The following FSIP2 variants were observed in gnomAD, a reference collection of about 807,000 sequenced individuals.
The protein encoded by FSIP2 is fibrous sheath-interacting protein 2.
In FSIP2, 367 loss-of-function variants were observed where a neutral mutation model predicts 510.5. The ratio of observed to expected loss-of-function variants is 0.72; its 90% CI spans 0.66 to 0.78. FSIP2 has a LOEUF of 0.78. Among genes scored for constraint, FSIP2 ranks in the 30% least tolerant of loss-of-function variants. FSIP2 has a pLI of 0.00. For missense variants in FSIP2, 7,594 were observed against 7,901.7 expected (o/e 0.96, Z 1.48); for synonymous variants, 2,601 against 2,732.2 (o/e 0.95, Z 1.50).
intron 13 of FSIP2, among the ~76,000 whole-genome samples, chr2:185,769,562 T>G (rs937513593): frequency 6.6e-6 from 1 of 152,186 alleles, no homozygotes. Flanking sequence ...TTTTTCCCAT[T>G]TTCTAGGTTG....
At chr2:185,780,152 C>T (rs1318418393) in intron 13 of FSIP2, among the ~76,000 whole-genome samples, 5 of 151,162 alleles carry the variant, frequency 3.3e-5, no homozygotes, top group African/African-American at 4.8e-5. Context: ...GTGATTCTTC[C>T]GTCCCCCACC....
chr2:185,807,494 A>C lies in FSIP2; in HGVS notation c.18188A>C (p.Lys6063Thr), dbSNP rs779471913. Reference protein sequence around the residue: ...SAVATEISQDKYMTIQYVETL... With the variant: ...SAVATEISQDTYMTIQYVETL... ...GTTGCAACAGAGATCTCCCAAGATA[A>C]ATATATGACTATACAGTATGTAGAA... The change falls in exon 17 of 23, where the codon AAA becomes ACA. Residue 6063 changes from lysine to threonine, a missense_variant. By Grantham distance (78) the Lys-to-Thr change is moderately conservative (BLOSUM62 -1). Transcript: ENST00000424728. 3.0e-5 allele frequency: 49 copies of C among 1,611,978 alleles called. No individual in the cohort carries two copies. The highest frequency in any genetic ancestry group is 3.3e-4 in the Middle Eastern group (2 of 6,068).
chr2:185,806,339 A>C lies in FSIP2; in HGVS notation c.17033A>C (p.Gln5678Pro). ...CACCACTCAGATTATGAACATGTTC[A>C]AAATGTCATTGAAAATATTTTTGAA... The part of the protein sequence containing the change: ...EEHHSDYEHV[Q>P]NVIENIFEDV... Residue 5678 changes from glutamine to proline, a missense_variant, in exon 17 of 23, where the codon CAA (glutamine) becomes CCA (proline). By Grantham distance (76) the Gln-to-Pro change is moderately conservative. Coordinates refer to ENST00000424728, the MANE Select transcript of FSIP2 (RefSeq NM_173651.4). 4 of 1,610,216 alleles carry C rather than the reference A, an allele frequency of 2.5e-6. No homozygotes were observed. The Middle Eastern group carries it at 5.0e-4, about 200-fold the overall frequency.
chr2:185,820,006 C>T (rs1693885702), intron 19 of FSIP2, among the ~76,000 whole-genome samples: 2 of 151,830 alleles, frequency 1.3e-5, no homozygotes, highest in Non-Finnish European at 2.9e-5. Flanking sequence ...TTCAGTATGC[C>T]ATTTTCAATC....
intron 18 of FSIP2, 41 bp from the exon 19 acceptor site, chr2:185,815,330 C>A: frequency 1.1e-6 from 1 of 893,186 alleles, no homozygotes; most frequent in Non-Finnish European, 1.8e-6. Flanking sequence ...AAATATATCC[C>A]AAACTCCATT....
rs1693513058 is a variant in FSIP2, at chr2:185,804,449, G to A, written c.15143G>A (p.Ser5048Asn). Residue 5048 changes from serine to asparagine, a missense_variant, in exon 17 of 23, where the codon AGT becomes AAT. Transcript: ENST00000424728. ...SLIQIHRVIQ[S>N]DTICFGRKIY... ...ATTCAAATACATAGGGTTATACAAA[G>A]TGACACAATATGTTTTGGTAGGAAA... 6.6e-7 allele frequency: 1 copy of A among 1,517,358 alleles called. No homozygotes were observed. The highest frequency in any genetic ancestry group is 1.2e-5 in the South Asian group (1 of 82,128). 94.0% of individuals were successfully genotyped at this position (1,517,358 alleles called of 1,614,324 possible). A position where few individuals can be genotyped will look rare whatever the true frequency, so the allele number is the denominator to read the frequency against.
At chr2:185,746,383 T>G (rs1021743897) in intron 5 of FSIP2, among the ~76,000 whole-genome samples, 2 of 152,138 alleles carry the variant, frequency 1.3e-5, no homozygotes, top group Non-Finnish European at 2.9e-5. Context: ...GAATGCTTAC[T>G]GTGCAAAATG....
intron 13 of FSIP2, chr2:185,765,858 A>G (rs1440208306): frequency 6.6e-6 from 1 of 151,340 alleles, no homozygotes; most frequent in Non-Finnish European, 1.5e-5. Context: ...GAGGTCCTTC[A>G]CATCCCTTGT....
At chr2:185,754,566 T>C (rs889312124) in intron 8 of FSIP2, among the ~76,000 whole-genome samples, 1 of 151,502 alleles carries the variant, frequency 6.6e-6, no homozygotes, top group Non-Finnish European at 1.5e-5. Context: ...TCAAATCCAT[T>C]TTGTACTGTC....
In FSIP2 at chr2:185,804,365, T is replaced by G. The variant is rs1056384196; in HGVS notation, c.15059T>G (p.Met5020Arg). 2.3e-5 allele frequency: 34 copies of G among 1,499,892 alleles called. No individual in the cohort carries two copies. Among genetic ancestry groups the G allele is most frequent in the Non-Finnish European group, 3.0e-5 (34 of 1,132,002 alleles). 92.9% of individuals were successfully genotyped at this position (1,499,892 alleles called of 1,614,324 possible). A position where few individuals can be genotyped will look rare whatever the true frequency, so the allele number is the denominator to read the frequency against. The change falls in exon 17 of 23, where the codon ATG (methionine) becomes AGG (arginine). Residue 5020 changes from methionine (M) to arginine (R), a missense_variant. Physicochemically the swap from Met to Arg is moderately conservative, Grantham distance 91. Coordinates refer to ENST00000424728, the MANE Select transcript of FSIP2 (RefSeq NM_173651.4). ...TGTTTCTCAGAAAGATACAAAGAAA[T>G]GGTTCAAAAAATAGTCAACTCAGTA... ...NLCFSERYKE[M>R]VQKIVNSVYG...
At position 185,831,830 on chromosome 2, in the gene FSIP2, A is replaced by G; in HGVS notation, c.20535A>G (p.Glu6845=). 1 of 1,609,286 alleles carries G rather than the reference A, an allele frequency of 6.2e-7. No homozygotes were observed. The highest frequency in any genetic ancestry group is 8.5e-7 in the Non-Finnish European group (1 of 1,176,426). ...CTTGGCAGTTTATCACCATCTTTGA[A>G]AGATCCAAGGATGTTCTTGGCAGTG... ...GNSVKFITIF[E]RSKDVLGSAN... Residue 6845 remains glutamate (E), a synonymous_variant, in exon 22 of 23, where the codon GAA becomes GAG. Transcript: ENST00000424728.
chr2:185,786,390 T>C (rs751962957), intron 15 of FSIP2, 102 bp downstream of exon 15: 18 of 737,550 alleles, frequency 2.4e-5, no homozygotes, highest in Middle Eastern at 2.4e-4. Flanking sequence ...GAATCATCCA[T>C]TGATATTTGT....
chr2:185,762,124 TA>T (rs1306137235), intron 11 of FSIP2, 107 bp downstream of exon 11: 3 of 543,198 alleles, frequency 5.5e-6, no homozygotes, highest in South Asian at 5.9e-5. Context: ...ATGCTTATTC[TA>T]AAAAATTAAG....
chr2:185,810,771 A>T (rs1383052486), intron 17 of FSIP2, among the ~76,000 whole-genome samples: 3 of 151,708 alleles, frequency 2.0e-5, no homozygotes, highest in Admixed American at 2.0e-4. Flanking sequence ...GCTCAGAAGA[A>T]GATAGGAAGA....
rs1406445753 is a variant in FSIP2, at chr2:185,794,870, A to G, written c.7734A>G (p.Leu2578=). Reference sequence around the variant, plus strand: ...TATCTGACCACAATGATTCCTTACTAATGAAACCATTAAGGTTTAGAGAAA... The same window carrying G: ...TATCTGACCACAATGATTCCTTACTGATGAAACCATTAAGGTTTAGAGAAA... The part of the protein sequence containing the change: ...VEISDHNDSL[L]MKPLRFRETK... Residue 2578 remains leucine (L), a synonymous_variant, in exon 16 of 23, where the codon CTA becomes CTG. Coordinates refer to ENST00000424728, the MANE Select transcript of FSIP2 (RefSeq NM_173651.4). The G allele has an allele frequency of 1.3e-6, 2 of 1,532,950 alleles. No individual in the cohort carries two copies. The highest frequency in any genetic ancestry group is 3.9e-5 in the Admixed American group (2 of 50,836). The allele number at this position is 1,532,950 out of a possible 1,614,324, so 95.0% of individuals were successfully genotyped here.
Position 185,791,235 on chromosome 2 carries a change from T to C in FSIP2, c.4099T>C (p.Ser1367Pro), listed in dbSNP as rs1693115800. 1.3e-6 allele frequency: 2 copies of C among 1,533,946 alleles called. No individual in the cohort carries two copies. The highest frequency in any genetic ancestry group is 1.2e-5 in the South Asian group (1 of 84,006). Residue 1367 changes from serine (S) to proline (P), a missense_variant, in exon 16 of 23, where the codon TCA (serine) becomes CCA (proline). Physicochemically the swap from Ser to Pro is moderately conservative, Grantham distance 74 (BLOSUM62 -1). Coordinates refer to ENST00000424728, the MANE Select transcript of FSIP2 (RefSeq NM_173651.4). The stretch of plus-strand genomic sequence containing the variant: ...AACCTGTATTTATGATATGTTGTTA[T>C]CAAGTGAAAATGCACATCAAAGAAG... ...LLTCIYDMLL[S>P]SENAHQRSIS...
At chr2:185,832,031 G>A in intron 22 of FSIP2, 149 bp downstream of exon 22, 1 of 610,988 alleles carries the variant, frequency 1.6e-6, no homozygotes, top group Non-Finnish European at 2.9e-6. Flanking sequence ...CTTACTGTTT[G>A]CATAAATACC....
In FSIP2 at chr2:185,805,127, C is replaced by T. The variant is rs771393033; in HGVS notation, c.15821C>T (p.Ala5274Val). Residue 5274 changes from alanine (A) to valine (V), a missense_variant, in exon 17 of 23, where the codon GCT (alanine) becomes GTT (valine). Transcript: ENST00000424728. ...AAGACACAGCCTTCTCTCTATTCAGCTACATTTTTGGAAGACATAATCATT... is the reference window on the plus strand; with the variant it reads ...AAGACACAGCCTTCTCTCTATTCAGTTACATTTTTGGAAGACATAATCATT... Reference protein sequence around the residue: ...KEKTQPSLYSATFLEDIIIDL... With the variant: ...KEKTQPSLYSVTFLEDIIIDL... 6.2e-7 allele frequency: 1 copy of T among 1,609,610 alleles called. No individual in the cohort carries two copies. The highest frequency in any genetic ancestry group is 8.5e-7 in the Non-Finnish European group (1 of 1,177,644).
intron 1 of FSIP2, 67 bp downstream of exon 1, chr2:185,739,060 G>A (rs760000826): frequency 4.7e-6 from 7 of 1,478,426 alleles, no homozygotes; most frequent in South Asian, 1.3e-5. Flanking sequence ...AGCGGGGCAG[G>A]GATCGCCACA....
Sources: allele counts gnomAD v4.1 joint callset (sites outside exome capture counted in the v4.1 genomes callset), GRCh38; gene constraint gnomAD v4.1.1; transcripts MANE v1.5; gene names NCBI Gene and HGNC (gene_info 2026-07-23, HGNC 2026-07-21).